The following PABPC4L variants were observed in gnomAD, a reference collection of about 807,000 sequenced individuals.
The protein encoded by PABPC4L is poly(A) binding protein cytoplasmic 4 like, also known as polyadenylate-binding protein 4-like.
For synonymous variants in PABPC4L, 169 were observed against 164.1 expected (o/e 1.03, Z -0.23); for missense variants, 452 against 451.4 (o/e 1.00, Z -0.01).
At chr4:134,152,888 AG>A in the PABPC4L span, among the ~76,000 whole-genome samples, 8 of 152,152 alleles carry the variant, frequency 5.3e-5, no homozygotes, top group African/African-American at 7.2e-5. Flanking sequence ...TAGAAGGAAA[AG>A]GGGAGGCAGT....
chr4:133,987,899 C>T, the PABPC4L span, among the ~76,000 whole-genome samples: 1 of 152,258 alleles, frequency 6.6e-6, no homozygotes, highest in African/African-American at 2.4e-5. Flanking sequence ...CACAGCACTG[C>T]AGGGCTAGGG....
the PABPC4L span, among the ~76,000 whole-genome samples, chr4:134,081,646 C>T: frequency 3.2e-4 from 48 of 152,024 alleles, no homozygotes; most frequent in African/African-American, 1.0e-3. Context: ...GCATAGCCAA[C>T]GGTACTGGAA....
chr4:134,017,963 G>C, the PABPC4L span, among the ~76,000 whole-genome samples: 6 of 152,016 alleles, frequency 3.9e-5, no homozygotes, highest in African/African-American at 9.7e-5. Flanking sequence ...ATTAATATAA[G>C]AAGACAGGAA....
At chr4:133,954,749 T>C in the PABPC4L span, among the ~76,000 whole-genome samples, 4 of 152,248 alleles carry the variant, frequency 2.6e-5, no homozygotes, top group South Asian at 6.2e-4. Context: ...TTAAAACATA[T>C]AAATAGATGC....
At chr4:134,094,645 C>T in the PABPC4L span, among the ~76,000 whole-genome samples, 1 of 151,708 alleles carries the variant, frequency 6.6e-6, no homozygotes, top group Middle Eastern at 3.6e-3. Flanking sequence ...CATCATTTGC[C>T]AAGTTACTGA....
chr4:134,131,721 A>AAAAAAAAG, the PABPC4L span, among the ~76,000 whole-genome samples: 1 of 144,376 alleles, frequency 6.9e-6, no homozygotes, highest in African/African-American at 2.5e-5. Context: ...AACCAAAAAA[A>AAAAAAAAG]AAAAAAAAAA....
chr4:134,022,078 G>GA, the PABPC4L span, among the ~76,000 whole-genome samples: 2 of 151,942 alleles, frequency 1.3e-5, no homozygotes, highest in African/African-American at 4.8e-5. Flanking sequence ...TCCAAGTCTA[G>GA]AAAAAAACCC....
chr4:134,193,488 G>T (rs1275931816), downstream of PABPC4L, among the ~76,000 whole-genome samples: 1 of 151,656 alleles, frequency 6.6e-6, no homozygotes. Flanking sequence ...ATCTAATTTT[G>T]AAAAAAGGTA....
At chr4:134,134,511 A>G in the PABPC4L span, among the ~76,000 whole-genome samples, 3 of 151,644 alleles carry the variant, frequency 2.0e-5, 1 homozygote, top group Admixed American at 2.0e-4. Flanking sequence ...AAGGAAATAC[A>G]CTCTTAAATA....
the PABPC4L span, among the ~76,000 whole-genome samples, chr4:134,039,372 T>C: frequency 6.6e-6 from 1 of 152,104 alleles, no homozygotes; most frequent in Non-Finnish European, 1.5e-5. Flanking sequence ...AAGTTCTGAA[T>C]AACATTGTTA....
At chr4:134,106,589 T>A in the PABPC4L span, among the ~76,000 whole-genome samples, 1 of 151,666 alleles carries the variant, frequency 6.6e-6, no homozygotes, top group Non-Finnish European at 1.5e-5. Context: ...AGGTTACTTT[T>A]AAATTTAGTG....
the PABPC4L span, among the ~76,000 whole-genome samples, chr4:134,042,729 C>A: frequency 6.6e-6 from 1 of 152,096 alleles, no homozygotes; most frequent in South Asian, 2.1e-4. Flanking sequence ...TTCTGACATA[C>A]CAGACTTTCT....
the PABPC4L span, among the ~76,000 whole-genome samples, chr4:134,152,850 G>A: frequency 3.3e-5 from 5 of 152,174 alleles, no homozygotes; most frequent in Admixed American, 3.3e-4. Context: ...TGCTCCTGGT[G>A]AGGGTCTCAG....
At chr4:133,995,884 T>C in the PABPC4L span, among the ~76,000 whole-genome samples, 3 of 152,214 alleles carry the variant, frequency 2.0e-5, no homozygotes, top group African/African-American at 4.8e-5. Context: ...ATGGAAGTTG[T>C]TTGCTATGGC....
the PABPC4L span, among the ~76,000 whole-genome samples, chr4:133,950,918 C>T: frequency 6.6e-6 from 1 of 152,118 alleles, no homozygotes; most frequent in African/African-American, 2.4e-5. Context: ...CTACTCTGTC[C>T]AGATCTTTCC....
the PABPC4L span, among the ~76,000 whole-genome samples, chr4:134,042,433 A>C: frequency 6.6e-6 from 1 of 152,216 alleles, no homozygotes; most frequent in African/African-American, 2.4e-5. Flanking sequence ...CTGTAACTTT[A>C]AAGCTATTAA....
At chr4:134,091,547 T>G in the PABPC4L span, among the ~76,000 whole-genome samples, 6 of 152,038 alleles carry the variant, frequency 3.9e-5, no homozygotes, top group Non-Finnish European at 7.4e-5. Flanking sequence ...GAAAAGGTAG[T>G]AGGCATTTTG....
At chr4:134,033,102 G>A in the PABPC4L span, among the ~76,000 whole-genome samples, 1 of 150,896 alleles carries the variant, frequency 6.6e-6, no homozygotes, top group Non-Finnish European at 1.5e-5. Flanking sequence ...TTTACAAAAG[G>A]AGGTACTCAC....
the PABPC4L span, among the ~76,000 whole-genome samples, chr4:134,125,346 T>C: frequency 2.6e-5 from 4 of 152,032 alleles, no homozygotes; most frequent in Non-Finnish European, 5.9e-5. Flanking sequence ...AGTTTTAGGG[T>C]ACATGTGCAC....
Sources: allele counts gnomAD v4.1 joint callset (sites outside exome capture counted in the v4.1 genomes callset), GRCh38; gene constraint gnomAD v4.1.1; transcripts MANE v1.5; gene names NCBI Gene and HGNC (gene_info 2026-07-23, HGNC 2026-07-21).